Variants in KPNA7 observed in about 807,000 individuals in gnomAD.
KPNA7 encodes the protein importin subunit alpha-8.
Under a neutral mutation model 53.7 loss-of-function variants are expected in KPNA7, and 54 were observed. The ratio of observed to expected loss-of-function variants is 1.01; its 90% confidence interval spans 0.81 to 1.26. The LOEUF (loss-of-function observed/expected upper bound fraction) is 1.26. Ranked by LOEUF, KPNA7 falls within the 50% of genes most tolerant of loss-of-function variation. KPNA7 has a pLI of 0.00. For synonymous variants in KPNA7, 276 were observed against 259.3 expected (o/e 1.06, Z -0.62); for missense variants, 640 against 644.5 (o/e 0.99, Z 0.07).
chr7:99,194,991 A>AC, intron 5 of KPNA7, 79 bp downstream of exon 5: 20 of 1,442,476 alleles, frequency 1.4e-5, no homozygotes, highest in Non-Finnish European at 1.8e-5. Context: ...CATCGAGTAT[A>AC]CCCCACCACC....
downstream of KPNA7, among the ~76,000 whole-genome samples, chr7:99,170,513 C>G (rs959305182): frequency 6.6e-6 from 1 of 151,436 alleles, no homozygotes; most frequent in African/African-American, 2.4e-5. Flanking sequence ...CTATTTTTTT[C>G]TTTTTCTTTT....
chr7:99,166,744 C>A, the KPNA7 span, among the ~76,000 whole-genome samples: 1 of 152,216 alleles, frequency 6.6e-6, no homozygotes, highest in African/African-American at 2.4e-5. Context: ...CTCACCCTCC[C>A]AAGTAGCTGG....
the KPNA7 span, among the ~76,000 whole-genome samples, chr7:99,161,019 C>A: frequency 6.6e-5 from 10 of 152,142 alleles, no homozygotes; most frequent in Non-Finnish European, 1.3e-4. Flanking sequence ...TGCCACCACA[C>A]CTGGCTTATT....
At chr7:99,155,138 G>A in the KPNA7 span, among the ~76,000 whole-genome samples, 2 of 152,118 alleles carry the variant, frequency 1.3e-5, no homozygotes, top group South Asian at 2.1e-4. Flanking sequence ...TGAGGAGTTA[G>A]GTGACTAACA....
chr7:99,184,262 C>A (rs1789455003), intron 8 of KPNA7, among the ~76,000 whole-genome samples: 2 of 151,100 alleles, frequency 1.3e-5, no homozygotes, highest in South Asian at 4.2e-4. Context: ...TCAATTGATC[C>A]TCCTACCTTA....
rs1584319533 is a variant in KPNA7, at chr7:99,207,680, G to T, written c.-23-191C>A. 5.3e-5 allele frequency among the ~76,000 whole-genome samples: 6 copies of T among 113,582 alleles called. 1 individual carries two copies. The Admixed American group carries it at 8.0e-4, about 15-fold the overall frequency. 74.5% of individuals were successfully genotyped at this position (113,582 alleles called of 152,430 possible). A position where few individuals can be genotyped will look rare whatever the true frequency, so the allele number is the denominator to read the frequency against. On this transcript the variant is annotated intron_variant, in intron 1 of 10. Transcript: ENST00000327442. ...AGACAGAGTCTCGCTCTGTTGCCCAGACTTGAGTGCAGTGGGGGGATATCA... is the reference window on the plus strand; with the variant it reads ...AGACAGAGTCTCGCTCTGTTGCCCATACTTGAGTGCAGTGGGGGGATATCA...
At chr7:99,150,423 C>CTTTTTTTTTTTTTTTT in the KPNA7 span, among the ~76,000 whole-genome samples, 1 of 132,446 alleles carries the variant, frequency 7.6e-6, no homozygotes, top group Non-Finnish European at 1.6e-5. Context: ...TCATTCTTCT[C>CTTTTTTTTTTTTTTTT]TTTTTTTTGA....
Position 99,182,071 on chromosome 7 carries a change from G to C in KPNA7, c.1135-6C>G, listed in dbSNP as rs201383698. 3.9e-6 allele frequency: 6 copies of C among 1,522,760 alleles called. No individual in the cohort carries two copies. Among genetic ancestry groups the C allele is most frequent in the Non-Finnish European group, 5.3e-6 (6 of 1,128,054 alleles). The allele number at this position is 1,522,760 out of a possible 1,614,324, so 94.3% of individuals were successfully genotyped here. On this transcript the variant is annotated splice_polypyrimidine_tract_variant and splice_region_variant and intron_variant, in intron 8 of 10. Transcript: ENST00000327442. ...TTCTGGACTTTAAATTCTCCCTGCAGAACAAGAATGTTTCCATTCTCTACA... is the reference window on the plus strand; with the variant it reads ...TTCTGGACTTTAAATTCTCCCTGCACAACAAGAATGTTTCCATTCTCTACA...
Position 99,173,624 on chromosome 7 carries a change from G to T in KPNA7, c.*84C>A. The T allele has an allele frequency of 1.3e-6, 1 of 763,504 alleles. No homozygotes were observed. Among genetic ancestry groups the T allele is most frequent in the Non-Finnish European group, 2.1e-6 (1 of 473,582 alleles). The allele number at this position is 763,504 out of a possible 1,614,324, so 47.3% of individuals were successfully genotyped here. A position where few individuals can be genotyped will look rare whatever the true frequency, so the allele number is the denominator to read the frequency against. On this transcript the variant is annotated 3_prime_UTR_variant, in exon 11 of 11. Transcript: ENST00000327442. ...CAAGTTTTAAAAGCTTCACATTTGG[G>T]TTACACTAAGATAGAGGACTGCTGC...
intron 2 of KPNA7, among the ~76,000 whole-genome samples, chr7:99,206,323 T>G (rs776599433): frequency 6.6e-6 from 1 of 151,878 alleles, no homozygotes; most frequent in Non-Finnish European, 1.5e-5. Flanking sequence ...ACCATGCACA[T>G]CTAATTTTTT....
chr7:99,159,881 T>A, the KPNA7 span, among the ~76,000 whole-genome samples: 1 of 152,062 alleles, frequency 6.6e-6, no homozygotes, highest in Non-Finnish European at 1.5e-5. Flanking sequence ...AATTTATAAG[T>A]TCCCCCCAAG....
At chr7:99,175,485 C>A (rs1375280162) in intron 10 of KPNA7, among the ~76,000 whole-genome samples, 4 of 145,338 alleles carry the variant, frequency 2.8e-5, no homozygotes, top group African/African-American at 1.0e-4. Flanking sequence ...GGCTTGAGAG[C>A]TTTATTTATT....
Position 99,195,347 on chromosome 7 carries a change from T to C in KPNA7, c.285-9A>G. On this transcript the variant is annotated splice_polypyrimidine_tract_variant and intron_variant, in intron 4 of 10. Transcript: ENST00000327442. The stretch of plus-strand genomic sequence containing the variant: ...CCTGGGATAGCATTTTCCTATGCAA[T>C]GAAAGAGAGGGCAGGGGAGGGGGAG... 6.5e-7 allele frequency: 1 copy of C among 1,549,382 alleles called. No individual in the cohort carries two copies. The highest frequency in any genetic ancestry group is 8.7e-7 in the Non-Finnish European group (1 of 1,145,386).
chr7:99,178,222 G>T (rs1798994797), intron 9 of KPNA7, among the ~76,000 whole-genome samples, 156 bp from the exon 10 acceptor site: 2 of 152,074 alleles, frequency 1.3e-5, no homozygotes, highest in Non-Finnish European at 1.5e-5. Context: ...CAAATTGGTT[G>T]AAAATTACAT....
intron 8 of KPNA7, among the ~76,000 whole-genome samples, chr7:99,183,229 G>A (rs905110841): frequency 6.6e-6 from 1 of 151,990 alleles, no homozygotes; most frequent in Non-Finnish European, 1.5e-5. Flanking sequence ...TCCAGTCTGG[G>A]TGACAGAGCG....
the KPNA7 span, among the ~76,000 whole-genome samples, chr7:99,153,549 CA>C: frequency 0.088 from 10,377 of 117,550 alleles, 440 homozygotes; most frequent in East Asian, 0.21. Context: ...GACACTGTCT[CA>C]AAAAAAAAAA....
chr7:99,184,071 A>ACCC (rs1789437985), intron 8 of KPNA7, among the ~76,000 whole-genome samples: 1 of 150,136 alleles, frequency 6.7e-6, no homozygotes, highest in Admixed American at 6.7e-5. Flanking sequence ...CTGGTATCGA[A>ACCC]CCCCTGATCT....
At chr7:99,188,712 C>G in intron 6 of KPNA7, 149 bp from the exon 7 acceptor site, 5 of 880,396 alleles carry the variant, frequency 5.7e-6, no homozygotes, top group Non-Finnish European at 8.4e-6. Flanking sequence ...CAGCCTTGCT[C>G]TGTCACCCAG....
intron 1 of KPNA7, among the ~76,000 whole-genome samples, chr7:99,214,209 CCT>C (rs1376563530): frequency 6.6e-6 from 1 of 151,574 alleles, no homozygotes; most frequent in African/African-American, 2.4e-5. Context: ...GTGGGCAGAT[CCT>C]CTGAGGTCAG....
Sources: gnomAD v4.1 joint callset for allele counts (sites outside exome capture counted in the v4.1 genomes callset) on GRCh38, gnomAD v4.1.1 for gene constraint, MANE v1.5 for transcripts, NCBI Gene and HGNC (gene_info 2026-07-23, HGNC 2026-07-21) for gene names.